The following TMEM116 variants were observed in gnomAD, a reference collection of about 807,000 sequenced individuals.
TMEM116 encodes transmembrane protein 116.
TMEM116 carries 38 observed loss-of-function variants against 44.3 expected under a neutral mutation model. That is an observed-to-expected ratio of 0.86 (90% CI 0.66 to 1.12). TMEM116 has a LOEUF of 1.12. Ranked by LOEUF, TMEM116 falls within the 50% of genes most tolerant of loss-of-function variation. The pLI, the probability that TMEM116 is intolerant of heterozygous loss-of-function variation, is 0.00. For missense variants in TMEM116, 354 were observed against 401.7 expected (o/e 0.88, Z 1.01); for synonymous variants, 132 against 144.8 (o/e 0.91, Z 0.64).
chr12:111,945,617 T>C (rs919825733), intron 4 of TMEM116, among the ~76,000 whole-genome samples: 1 of 152,184 alleles, frequency 6.6e-6, no homozygotes, highest in Admixed American at 6.5e-5. Flanking sequence ...TCTTAACTAC[T>C]TTGTATTATT....
chr12:112,008,141 A>T (rs1398224438), intron 1 of TMEM116, among the ~76,000 whole-genome samples: 1 of 152,138 alleles, frequency 6.6e-6, no homozygotes, highest in Non-Finnish European at 1.5e-5. Context: ...TGTTTGCATC[A>T]CTGCACTCAC....
At chr12:111,981,151 A>G (rs2075919070) in intron 4 of TMEM116, among the ~76,000 whole-genome samples, 1 of 152,198 alleles carries the variant, frequency 6.6e-6, no homozygotes. Flanking sequence ...AAATAAACAA[A>G]TAGAGTAACA....
intron 5 of TMEM116, among the ~76,000 whole-genome samples, chr12:111,939,878 C>CTGTGTGTGTG (rs1491148442): frequency 1.8e-5 from 2 of 110,722 alleles, no homozygotes; most frequent in Admixed American, 1.1e-4. Flanking sequence ...ATCTTCAAAG[C>CTGTGTGTGTG]TCTGTGTGTG....
At chr12:111,997,086 AG>A (rs773493406) in intron 3 of TMEM116, among the ~76,000 whole-genome samples, 7 of 152,236 alleles carry the variant, frequency 4.6e-5, no homozygotes, top group Non-Finnish European at 5.9e-5. Context: ...TAGAGGTGAG[AG>A]GGAGAGCTGT....
intron 4 of TMEM116, among the ~76,000 whole-genome samples, chr12:111,954,948 C>T (rs560087161): frequency 6.6e-6 from 1 of 152,246 alleles, no homozygotes; most frequent in East Asian, 1.9e-4. Flanking sequence ...TAGAAAGATG[C>T]AAACCTTCTT....
chr12:112,010,176 T>C (rs1054397572), intron 1 of TMEM116, among the ~76,000 whole-genome samples: 3 of 151,998 alleles, frequency 2.0e-5, no homozygotes, highest in Non-Finnish European at 2.9e-5. Flanking sequence ...TTTCCACTTG[T>C]TCTCTATCTA....
chr12:111,942,477 T>G (rs1304807114), intron 5 of TMEM116, among the ~76,000 whole-genome samples: 1 of 152,054 alleles, frequency 6.6e-6, no homozygotes, highest in African/African-American at 2.4e-5. Context: ...TTTCACCGTG[T>G]TAGCCCGAAT....
intron 6 of TMEM116, 117 bp downstream of exon 6, chr12:111,938,044 C>A (rs2072315472): frequency 1.8e-6 from 1 of 547,462 alleles, no homozygotes. Context: ...CTAAGTTAGG[C>A]TCTGTGAGGA....
intron 4 of TMEM116, among the ~76,000 whole-genome samples, chr12:111,970,470 GC>G (rs2075268394): frequency 1.3e-5 from 2 of 151,932 alleles, no homozygotes; most frequent in Non-Finnish European, 2.9e-5. Flanking sequence ...AGAAATAGTG[GC>G]CCCAAGCTTT....
chr12:111,983,155 G>A (rs2076038936), intron 4 of TMEM116, among the ~76,000 whole-genome samples: 1 of 151,694 alleles, frequency 6.6e-6, no homozygotes, highest in Non-Finnish European at 1.5e-5. Flanking sequence ...AAATTAGCTG[G>A]GGCCAGGCAC....
chr12:111,936,794 A>G lies in TMEM116; in HGVS notation c.486T>C (p.Ala162=). ...ATGTGTTGGCAGAAGGTGGAAGTTCAGCCATGGCTGATGGTGGTGAGTGCA... is the reference window on the plus strand; with the variant it reads ...ATGTGTTGGCAGAAGGTGGAAGTTCGGCCATGGCTGATGGTGGTGAGTGCA... ...ILMHSPPSAM[A]ELPPSANTSV... is the part of the protein sequence containing the mutation. The change falls in exon 8 of 11, where the codon GCT becomes GCC. Residue 162 remains alanine (A), a synonymous_variant. Coordinates refer to ENST00000552374, the MANE Select transcript of TMEM116 (RefSeq NM_001193531.2). 1 of 1,612,144 alleles carries G rather than the reference A, an allele frequency of 6.2e-7. No individual in the cohort carries two copies.
intron 3 of TMEM116, chr12:112,000,928 C>T (rs1160111292): frequency 4.9e-6 from 2 of 406,446 alleles, no homozygotes; most frequent in South Asian, 1.8e-5. Flanking sequence ...TGCAGCATGG[C>T]GATGGCACTG....
At chr12:112,005,236 T>C (rs962422195) in intron 2 of TMEM116, 21 bp downstream of exon 2, 7 of 1,376,604 alleles carry the variant, frequency 5.1e-6, no homozygotes, top group Admixed American at 3.5e-5. Context: ...AGTTTAGTTA[T>C]ATGAGATTAA....
chr12:111,933,489 CTTT>C (rs202131081), intron 9 of TMEM116, among the ~76,000 whole-genome samples: 9 of 134,804 alleles, frequency 6.7e-5, no homozygotes, highest in African/African-American at 5.4e-5. Context: ...AGCCATCCTT[CTTT>C]TTTTTTTTTT....
intron 8 of TMEM116, chr12:111,936,224 A>T (rs2072154425): frequency 6.6e-6 from 1 of 152,598 alleles, no homozygotes; most frequent in Non-Finnish European, 1.5e-5. Flanking sequence ...TCAAATGAGT[A>T]TCTGAAAACT....
Position 111,936,961 on chromosome 12 carries a change from C to G in TMEM116, c.450-131G>C, listed in dbSNP as rs916219806. The G allele has an allele frequency of 3.8e-6, 4 of 1,062,074 alleles. No homozygotes were observed. The African/African-American group carries it at 6.4e-5, about 17-fold the overall frequency. 65.8% of individuals were successfully genotyped at this position (1,062,074 alleles called of 1,614,324 possible). A position where few individuals can be genotyped will look rare whatever the true frequency, so the allele number is the denominator to read the frequency against. On this transcript the variant is annotated intron_variant, in intron 7 of 10. Transcript: ENST00000552374. ...TGCTCATAAAACCTTGTCTCTCCCCCACAGACACATTATCTTGTAGTCATT... is the reference window on the plus strand; with the variant it reads ...TGCTCATAAAACCTTGTCTCTCCCCGACAGACACATTATCTTGTAGTCATT...
intron 4 of TMEM116, among the ~76,000 whole-genome samples, chr12:111,955,887 T>C (rs1338816469): frequency 6.6e-6 from 1 of 152,196 alleles, no homozygotes; most frequent in Non-Finnish European, 1.5e-5. Flanking sequence ...CTATACCATA[T>C]AGCTTAGGTG....
chr12:111,937,824 A>G (rs1287853085), intron 6 of TMEM116, among the ~76,000 whole-genome samples: 1 of 152,222 alleles, frequency 6.6e-6, no homozygotes, highest in African/African-American at 2.4e-5. Context: ...ACCCAATGTT[A>G]TAAAGTAGAT....
At chr12:111,941,054 A>G (rs1395221293) in intron 5 of TMEM116, among the ~76,000 whole-genome samples, 2 of 152,288 alleles carry the variant, frequency 1.3e-5, no homozygotes, top group East Asian at 1.9e-4. Flanking sequence ...ACTAACTTGT[A>G]GGGAGCTAAG....
Sources: allele counts gnomAD v4.1 joint callset (sites outside exome capture counted in the v4.1 genomes callset), GRCh38; gene constraint gnomAD v4.1.1; transcripts MANE v1.5; gene names NCBI Gene and HGNC (gene_info 2026-07-23, HGNC 2026-07-21).